PARN: variants seen among roughly 807,000 people sequenced by gnomAD.
PARN encodes the protein poly(A)-specific ribonuclease.
In PARN, 71 loss-of-function variants were observed where a neutral mutation model predicts 102.8. The observed-to-expected ratio is 0.69, with a 90% CI of 0.57 to 0.84. The LOEUF is 0.84. Among genes scored for constraint, PARN ranks in the 40% least tolerant of loss-of-function variants. The pLI is 0.00. For missense variants in PARN, 782 were observed against 760.9 expected (o/e 1.03, Z -0.33); for synonymous variants, 261 against 252.9 (o/e 1.03, Z -0.30).
At chr16:14,501,294 CAATAATAAT>C (rs113060340) in intron 21 of PARN, among the ~76,000 whole-genome samples, 56 of 142,164 alleles carry the variant, frequency 3.9e-4, no homozygotes, top group African/African-American at 7.7e-4. Context: ...AACAAAAAAA[CAATAATAAT>C]AATAATAATA....
chr16:14,538,519 C>G (rs889369510), intron 21 of PARN, among the ~76,000 whole-genome samples: 1 of 152,074 alleles, frequency 6.6e-6, no homozygotes, highest in Non-Finnish European at 1.5e-5. Flanking sequence ...CCACGCCTGG[C>G]CTTTTTTTCA....
At position 14,610,754 on chromosome 16, in the gene PARN, T is replaced by C. The variant is rs770605231; in HGVS notation, c.444A>G (p.Glu148=). 2.5e-5 allele frequency: 41 copies of C among 1,610,758 alleles called. No homozygotes were observed. In the South Asian group the frequency reaches 4.5e-4, roughly 18 times the overall value. The change falls in exon 7 of 24, where the codon GAA becomes GAG. Residue 148 remains glutamate, a synonymous_variant. Transcript: ENST00000437198. The stretch of plus-strand genomic sequence containing the variant: ...CTGCACCATTCGCCTGTGAACGTTT[T>C]TCATCATACTGCTCTCTTAACTGTC... ...EERQLREQYD[E]KRSQANGAGA... is the part of the protein sequence containing the mutation.
intron 23 of PARN, among the ~76,000 whole-genome samples, chr16:14,441,240 T>A (rs553765320): frequency 2.0e-5 from 3 of 152,224 alleles, no homozygotes; most frequent in Non-Finnish European, 4.4e-5. Context: ...AATTGTCTTC[T>A]ATTTTTCTGC....
At chr16:14,580,523 G>A (rs1406036334) in intron 18 of PARN, among the ~76,000 whole-genome samples, 1 of 151,984 alleles carries the variant, frequency 6.6e-6, no homozygotes, top group African/African-American at 2.4e-5. Flanking sequence ...CTGACCTCAA[G>A]CACTCTGCCC....
At chr16:14,557,244 G>A (rs910218679) in intron 18 of PARN, among the ~76,000 whole-genome samples, 3 of 151,956 alleles carry the variant, frequency 2.0e-5, no homozygotes, top group Admixed American at 6.6e-5. Context: ...CACAGTTAAG[G>A]AACATTATTA....
intron 23 of PARN, among the ~76,000 whole-genome samples, chr16:14,445,368 G>A (rs1384338876): frequency 6.6e-6 from 1 of 152,196 alleles, no homozygotes; most frequent in East Asian, 1.9e-4. Context: ...TGCAAAAGGG[G>A]ATTAATTAAA....
chr16:14,470,299 AC>A (rs1175108343), intron 22 of PARN, among the ~76,000 whole-genome samples: 2 of 152,130 alleles, frequency 1.3e-5, no homozygotes, highest in Non-Finnish European at 2.9e-5. Flanking sequence ...AAATGGAAAT[AC>A]TGAATTTTAT....
At chr16:14,613,922 A>G (rs1971695118) in intron 6 of PARN, among the ~76,000 whole-genome samples, 1 of 152,332 alleles carries the variant, frequency 6.6e-6, no homozygotes, top group Non-Finnish European at 1.5e-5. Flanking sequence ...GAGCAAGTGA[A>G]TCAGAAGCAT....
intron 3 of PARN, among the ~76,000 whole-genome samples, chr16:14,627,840 A>G (rs1292256193): frequency 2.0e-5 from 3 of 151,838 alleles, no homozygotes; most frequent in African/African-American, 7.2e-5. Flanking sequence ...ATATGTAAAA[A>G]TTAAAAAAAA....
intron 18 of PARN, among the ~76,000 whole-genome samples, chr16:14,571,580 T>A (rs899280104): frequency 7.9e-6 from 1 of 126,394 alleles, no homozygotes; most frequent in African/African-American, 3.1e-5. Context: ...ACACAGTGCA[T>A]CATACAACAT....
intron 18 of PARN, among the ~76,000 whole-genome samples, chr16:14,566,626 T>TG (rs1363517012): frequency 6.6e-6 from 1 of 152,196 alleles, no homozygotes; most frequent in Non-Finnish European, 1.5e-5. Flanking sequence ...ACTAATCCAA[T>TG]ACCCTACTAC....
At chr16:14,443,004 GA>G (rs1170174563) in intron 23 of PARN, among the ~76,000 whole-genome samples, 2 of 152,178 alleles carry the variant, frequency 1.3e-5, no homozygotes, top group African/African-American at 2.4e-5. Flanking sequence ...CTAAAGTCTG[GA>G]TGAGTTTCCC....
At chr16:14,517,835 C>T (rs1269037625) in intron 21 of PARN, among the ~76,000 whole-genome samples, 14 of 152,032 alleles carry the variant, frequency 9.2e-5, no homozygotes, top group Non-Finnish European at 7.4e-5. Flanking sequence ...TGCGCCACCA[C>T]ACCCAGCTAA....
intron 21 of PARN, among the ~76,000 whole-genome samples, chr16:14,485,911 C>T (rs1963658466): frequency 6.6e-6 from 1 of 152,134 alleles, no homozygotes; most frequent in Non-Finnish European, 1.5e-5. Flanking sequence ...TGGTCTCGAA[C>T]TCCTGAGCTC....
intron 22 of PARN, among the ~76,000 whole-genome samples, chr16:14,469,347 T>C (rs907189264): frequency 6.6e-6 from 1 of 152,080 alleles, no homozygotes; most frequent in African/African-American, 2.4e-5. Context: ...AACAAAACTA[T>C]AGTAAACACC....
At chr16:14,595,476 C>T (rs537792119) in intron 12 of PARN, among the ~76,000 whole-genome samples, 2 of 152,208 alleles carry the variant, frequency 1.3e-5, no homozygotes, top group East Asian at 1.9e-4. Flanking sequence ...GCAATCCTCC[C>T]ACCTCAGCCT....
intron 1 of PARN, 87 bp from the exon 2 acceptor site, chr16:14,629,761 G>C (rs559655016): frequency 2.0e-6 from 2 of 1,000,462 alleles, no homozygotes; most frequent in South Asian, 2.6e-5. Context: ...AGCTCCCGAG[G>C]CTGAGAGCCG....
At chr16:14,599,761 C>T (rs892654645) in intron 12 of PARN, 143 bp downstream of exon 12, 1 of 528,308 alleles carries the variant, frequency 1.9e-6, no homozygotes, top group Non-Finnish European at 3.3e-6. Flanking sequence ...TAACAACAGT[C>T]TATCTTGATG....
intron 19 of PARN, 109 bp from the exon 20 acceptor site, chr16:14,554,260 T>C (rs1967515869): frequency 1.4e-6 from 1 of 689,896 alleles, no homozygotes; most frequent in Non-Finnish European, 2.4e-6. Context: ...TGTTATGAAT[T>C]CCTCATGATT....
Sources: allele counts gnomAD v4.1 joint callset (sites outside exome capture counted in the v4.1 genomes callset), GRCh38; gene constraint gnomAD v4.1.1; transcripts MANE v1.5; gene names NCBI Gene and HGNC (gene_info 2026-07-23, HGNC 2026-07-21).